Variants in PTPRK observed in about 807,000 individuals in gnomAD.
PTPRK encodes protein tyrosine phosphatase receptor type K, also known as receptor-type tyrosine-protein phosphatase kappa.
PTPRK carries 75 observed loss-of-function variants against 178.0 expected under a neutral mutation model. That is an observed-to-expected ratio of 0.42 (90% CI 0.35 to 0.51). PTPRK has a LOEUF of 0.51. Ranked by LOEUF, PTPRK falls within the 20% of genes least tolerant of loss-of-function variation. The pLI is 0.02. For synonymous variants in PTPRK, 637 were observed against 620.6 expected (o/e 1.03, Z -0.39); for missense variants, 1,441 against 1,797.8 (o/e 0.80, Z 3.59).
intron 29 of PTPRK, among the ~76,000 whole-genome samples, chr6:127,971,325 C>T (rs1430385411): frequency 6.6e-6 from 1 of 152,100 alleles, no homozygotes; most frequent in Non-Finnish European, 1.5e-5. Flanking sequence ...GGCTGGAGAA[C>T]AGTCTAAAAT....
rs371925835 is a variant in PTPRK at position 127,985,810 on chromosome 6, C to T, written c.3162G>A (p.Val1054=). ...AAAGCAGCCCTGTAGCATGGTAGGG[C>T]ACTCCATGGTCAGGCCAGCCCGTGA... ...FHFTGWPDHG[V]PYHATGLLSF... is the part of the protein sequence containing the mutation. Residue 1054 remains valine, a synonymous_variant, in exon 22 of 30, where the codon GTG becomes GTA. Coordinates refer to ENST00000368226, the MANE Select transcript of PTPRK (RefSeq NM_002844.4). 3.1e-6 allele frequency: 5 copies of T among 1,613,860 alleles called. No individual in the cohort carries two copies. Among genetic ancestry groups the T allele is most frequent in the Non-Finnish European group, 4.2e-6 (5 of 1,179,950 alleles).
chr6:128,008,664 G>C (rs1778703436), intron 14 of PTPRK, among the ~76,000 whole-genome samples: 1 of 150,938 alleles, frequency 6.6e-6, no homozygotes, highest in South Asian at 2.1e-4. Context: ...AAAATTTTTA[G>C]TCAATGAATA....
intron 7 of PTPRK, among the ~76,000 whole-genome samples, chr6:128,142,545 AT>A: frequency 6.6e-6 from 1 of 151,616 alleles, no homozygotes; most frequent in South Asian, 2.1e-4. Context: ...TATAAAATAT[AT>A]ACATAATATA....
chr6:128,196,754 T>C (rs1479771770), intron 6 of PTPRK, among the ~76,000 whole-genome samples: 1 of 152,164 alleles, frequency 6.6e-6, no homozygotes, highest in Non-Finnish European at 1.5e-5. Flanking sequence ...CCTAGTCTAC[T>C]TTGATAAATA....
intron 4 of PTPRK, among the ~76,000 whole-genome samples, chr6:128,241,696 C>T (rs980160854): frequency 6.6e-6 from 1 of 152,022 alleles, no homozygotes; most frequent in Non-Finnish European, 1.5e-5. Flanking sequence ...AATTTAGGTA[C>T]ACCATCTGAA....
chr6:127,975,875 G>A (rs959579435), intron 27 of PTPRK, among the ~76,000 whole-genome samples: 35 of 144,548 alleles, frequency 2.4e-4, no homozygotes, highest in Admixed American at 2.0e-4. Context: ...GTTTCACCAC[G>A]TTGCCAGGCT....
intron 5 of PTPRK, among the ~76,000 whole-genome samples, chr6:128,239,125 G>GTTTTTTTTTTTTT (rs71833785): frequency 5.1e-5 from 5 of 98,766 alleles, no homozygotes; most frequent in African/African-American, 9.6e-5. Context: ...AACTCATCTT[G>GTTTTTTTTTTTTT]TTTTTTTTTT....
chr6:128,095,815 C>T lies in PTPRK; in HGVS notation c.1163-5823G>A, dbSNP rs190324400. 1.4e-4 allele frequency among the ~76,000 whole-genome samples: 22 copies of T among 152,298 alleles called. No homozygotes were observed. The East Asian group carries it at 2.5e-3, about 17-fold the overall frequency. ...ATGAATCTTGACTTATTTTATTATA[C>T]GCTCTTATCTACAAACAAAGGCATA... On this transcript the variant is annotated intron_variant, in intron 7 of 29. Coordinates refer to ENST00000368226, the MANE Select transcript of PTPRK (RefSeq NM_002844.4).
chr6:128,071,591 T>C (rs1562529709), intron 11 of PTPRK, among the ~76,000 whole-genome samples: 1 of 152,048 alleles, frequency 6.6e-6, no homozygotes, highest in South Asian at 2.1e-4. Flanking sequence ...AATTCTCTAG[T>C]GGCATTTTAC....
intron 6 of PTPRK, among the ~76,000 whole-genome samples, chr6:128,192,945 G>A (rs1040556739): frequency 2.7e-5 from 4 of 150,224 alleles, no homozygotes; most frequent in Admixed American, 6.7e-5. Flanking sequence ...AAGGAGGGAA[G>A]GAGGGAAGGA....
intron 7 of PTPRK, among the ~76,000 whole-genome samples, chr6:128,180,446 G>T (rs1015571317): frequency 2.0e-5 from 3 of 152,002 alleles, no homozygotes; most frequent in African/African-American, 7.2e-5. Context: ...AAGTAACAGC[G>T]AAATAATCAT....
At chr6:127,984,792 G>T (rs1401150581) in intron 22 of PTPRK, among the ~76,000 whole-genome samples, 1 of 152,186 alleles carries the variant, frequency 6.6e-6, no homozygotes, top group Admixed American at 6.5e-5. Context: ...TGTTCCCAGA[G>T]TTGGAGACAG....
intron 3 of PTPRK, among the ~76,000 whole-genome samples, chr6:128,297,735 G>A (rs1824743654): frequency 6.6e-6 from 1 of 152,074 alleles, no homozygotes; most frequent in African/African-American, 2.4e-5. Flanking sequence ...AGTGTGTAGA[G>A]GGAAATTTAT....
At chr6:128,129,091 A>AT (rs1793821409) in intron 7 of PTPRK, among the ~76,000 whole-genome samples, 1 of 152,186 alleles carries the variant, frequency 6.6e-6, no homozygotes, top group African/African-American at 2.4e-5. Context: ...ATCTTGATGT[A>AT]TTCTAGGTCT....
At chr6:128,222,668 A>G (rs1026617379) in intron 5 of PTPRK, among the ~76,000 whole-genome samples, 1 of 152,058 alleles carries the variant, frequency 6.6e-6, no homozygotes, top group African/African-American at 2.4e-5. Context: ...TCATTTTGTG[A>G]CCCTTATCTT....
intron 6 of PTPRK, among the ~76,000 whole-genome samples, chr6:128,200,501 G>A (rs1271953897): frequency 6.6e-6 from 1 of 151,922 alleles, no homozygotes; most frequent in African/African-American, 2.4e-5. Context: ...GAGGCAGGAG[G>A]ATCACTTAAG....
Position 128,009,254 on chromosome 6 carries a change from C to T in PTPRK, c.2209G>A (p.Glu737Lys). 6.2e-7 allele frequency: 1 copy of T among 1,606,058 alleles called. No homozygotes were observed. Among genetic ancestry groups the T allele is most frequent in the Non-Finnish European group, 8.5e-7 (1 of 1,175,662 alleles). ...GCGGGATCTGGGATCACTTCTGGTT[C>T]TTCTGTTGCTGCTGCTAAATGGATA... The part of the protein sequence containing the change: ...RIATKAAATE[E>K]PEVIPDPAKQ... Residue 737 changes from glutamate to lysine, a missense_variant, in exon 14 of 30, where the codon GAA becomes AAA. By Grantham distance (56) the Glu-to-Lys change is moderately conservative. This residue lies in a region of PTPRK where 945 missense variants were observed against 1,080.6 expected (regional missense o/e 0.87). Transcript: ENST00000368226.
intron 10 of PTPRK, among the ~76,000 whole-genome samples, chr6:128,080,744 A>C (rs993225606): frequency 3.9e-5 from 6 of 152,044 alleles, no homozygotes; most frequent in Non-Finnish European, 7.4e-5. Context: ...CTCAGGGAAT[A>C]AATTTGACAA....
intron 3 of PTPRK, among the ~76,000 whole-genome samples, chr6:128,244,990 G>A (rs376040662): frequency 6.6e-6 from 1 of 152,168 alleles, no homozygotes; most frequent in African/African-American, 2.4e-5. Context: ...TGGTGGAGGA[G>A]GAGAAGTTTG....
Sources: allele counts gnomAD v4.1 joint callset (sites outside exome capture counted in the v4.1 genomes callset), GRCh38; gene constraint gnomAD v4.1.1; regional missense constraint gnomAD v4.1.1; transcripts MANE v1.5; gene names NCBI Gene and HGNC (gene_info 2026-07-23, HGNC 2026-07-21).